CIZ1: variants seen among roughly 807,000 people sequenced by gnomAD.
CIZ1 encodes CDKN1A interacting zinc finger protein 1.
Under a neutral mutation model 118.6 loss-of-function variants are expected in CIZ1, and 58 were observed. That is an observed-to-expected ratio of 0.49 (90% CI 0.40 to 0.61). CIZ1 has a LOEUF of 0.61. Ranked by LOEUF, CIZ1 falls within the 20% of genes least tolerant of loss-of-function variation. The probability of loss-of-function intolerance (pLI) is 0.00; values close to 1 mark genes in which losing one functional copy is unlikely to be tolerated. For synonymous variants in CIZ1, 448 were observed against 443.4 expected (o/e 1.01, Z -0.13); for missense variants, 921 against 1,115.9 (o/e 0.83, Z 2.49).
chr9:128,167,171 A>G lies in CIZ1; in HGVS notation c.2296-7T>C, dbSNP rs947936704. ...ATATATCTCTGGACCTCACCTGAAA[A>G]CATGCAAGTGTGGGCCTCGGATCTG... On this transcript the variant is annotated splice_region_variant and splice_polypyrimidine_tract_variant and intron_variant, in intron 14 of 16. Transcript: ENST00000372938. 2 of 1,572,990 alleles carry G rather than the reference A, an allele frequency of 1.3e-6. No individual in the cohort carries two copies. The highest frequency in any genetic ancestry group is 1.7e-6 in the Non-Finnish European group (2 of 1,158,872).
At chr9:128,186,296 G>A (rs985104833) in intron 4 of CIZ1, among the ~76,000 whole-genome samples, 6 of 152,168 alleles carry the variant, frequency 3.9e-5, no homozygotes, top group Non-Finnish European at 1.5e-5. Context: ...CAGAGTGGAG[G>A]TGCAGCTTGC....
chr9:128,179,296 T>C lies in CIZ1; in HGVS notation c.911A>G (p.Glu304Gly). The change falls in exon 8 of 17, where the codon GAA (glutamate) becomes GGA (glycine). Residue 304 changes from glutamate (E) to glycine (G), a missense_variant. Coordinates refer to ENST00000372938, the MANE Select transcript of CIZ1 (RefSeq NM_001131016.2). ...CTGGAATCGTGGCAGCACTTGGGCTTCCAGGGCCTCAGGCAGCAGGTCTGG... is the reference window on the plus strand; with the variant it reads ...CTGGAATCGTGGCAGCACTTGGGCTCCCAGGGCCTCAGGCAGCAGGTCTGG... ...QTPDLLPEAL[E>G]AQVLPRFQPR... The C allele has an allele frequency of 6.2e-7, 1 of 1,614,096 alleles. No homozygotes were observed. The highest frequency in any genetic ancestry group is 8.5e-7 in the Non-Finnish European group (1 of 1,180,016).
At chr9:128,167,577 GC>G (rs1256424439) in intron 14 of CIZ1, 13 of 186,086 alleles carry the variant, frequency 7.0e-5, no homozygotes, top group Admixed American at 3.2e-4. Context: ...GAGGAGCTGG[GC>G]AGGGAACCCT....
chr9:128,183,428 G>A (rs1050620645), intron 5 of CIZ1, among the ~76,000 whole-genome samples: 5 of 152,232 alleles, frequency 3.3e-5, no homozygotes, highest in Non-Finnish European at 5.9e-5. Context: ...TGGAAGGCTG[G>A]AGGCGGGGCC....
chr9:128,181,675 G>A lies in CIZ1; in HGVS notation c.589-861C>T, dbSNP rs552061685. ...GGTCTAGCGGTGACGCCAGCGTCTG[G>A]GAAGACGCCCGTTACCAGGCGGATC... On this transcript the variant is annotated intron_variant, in intron 5 of 16. Coordinates refer to ENST00000372938, the MANE Select transcript of CIZ1 (RefSeq NM_001131016.2). Among the ~76,000 whole-genome samples the A allele has an allele frequency of 1.2e-4, 19 of 152,090 alleles. No homozygotes were observed. In the East Asian group the frequency reaches 3.7e-3, roughly 29 times the overall value.
At chr9:128,182,646 T>C (rs1246886084) in intron 5 of CIZ1, among the ~76,000 whole-genome samples, 3 of 152,154 alleles carry the variant, frequency 2.0e-5, no homozygotes, top group Non-Finnish European at 2.9e-5. Flanking sequence ...CTTATCTACC[T>C]TGGCCTTCTC....
chr9:128,190,201 A>G (rs562957198), intron 3 of CIZ1, 128 bp downstream of exon 3: 88 of 675,356 alleles, frequency 1.3e-4, no homozygotes, highest in Non-Finnish European at 2.2e-4. Flanking sequence ...TAGTGTCCTC[A>G]TGAGTGAACT....
At chr9:128,191,574 C>A, upstream of CIZ1, 2 of 1,124,930 alleles carry the variant, frequency 1.8e-6, no homozygotes, top group Non-Finnish European at 2.2e-6. The surrounding 1 kb of genome is among the most constrained non-coding windows in gnomAD (Gnocchi z 5.5). Context: ...GCTCGTAAGG[C>A]CCAAATGCGG....
chr9:128,172,163 AAAAAAAAAAAAAAAG>A (rs1830215699), intron 11 of CIZ1, among the ~76,000 whole-genome samples: 1 of 150,538 alleles, frequency 6.6e-6, no homozygotes, highest in African/African-American at 2.4e-5. Flanking sequence ...AAAAAAAAAA[AAAAAAAAAAAAAAAG>A]AAAAAAGAAA....
intron 10 of CIZ1, among the ~76,000 whole-genome samples, chr9:128,176,817 A>G (rs886331222): frequency 2.6e-5 from 4 of 152,186 alleles, no homozygotes; most frequent in Non-Finnish European, 5.9e-5. Context: ...GATTACTGCT[A>G]CACTCACTTT....
At chr9:128,187,984 T>TC (rs1383084472) in intron 3 of CIZ1, 50 bp from the exon 4 acceptor site, 2 of 577,254 alleles carry the variant, frequency 3.5e-6, no homozygotes, top group Non-Finnish European at 6.4e-6. Flanking sequence ...AAAACATCCA[T>TC]CCCCCCTGAC....
chr9:128,192,049 T>A, upstream of CIZ1: 1 of 654,544 alleles, frequency 1.5e-6, no homozygotes, highest in Non-Finnish European at 2.3e-6. Context: ...CTTTTCTCAG[T>A]AGATTTGGCT....
At chr9:128,178,604 C>T (rs1167883455) in intron 8 of CIZ1, 105 bp downstream of exon 8, 3 of 1,583,756 alleles carry the variant, frequency 1.9e-6, no homozygotes, top group Admixed American at 1.7e-5. Flanking sequence ...ACCTGGGTTC[C>T]AGGCCTAGCC....
intron 4 of CIZ1, among the ~76,000 whole-genome samples, chr9:128,187,006 C>A (rs868336582): frequency 1.4e-5 from 2 of 147,326 alleles, no homozygotes; most frequent in Non-Finnish European, 3.0e-5. Context: ...GTGGTGCGAT[C>A]TTGGCTCACT....
Position 128,191,338 on chromosome 9 carries a change from A to G in CIZ1, c.-6+94T>C. Reference sequence around the variant, plus strand: ...CACCACCGCCACCTCCTCGCGCCCCACTCCGCCCGCTCCCACCCCGCCAGC... The same window carrying G: ...CACCACCGCCACCTCCTCGCGCCCCGCTCCGCCCGCTCCCACCCCGCCAGC... On this transcript the variant is annotated intron_variant, in intron 1 of 16. Coordinates refer to ENST00000372938, the MANE Select transcript of CIZ1 (RefSeq NM_001131016.2). The surrounding 1 kb of genome is among the most constrained non-coding windows in gnomAD (Gnocchi z 5.5). 2.5e-6 allele frequency: 1 copy of G among 394,012 alleles called. No homozygotes were observed. The highest frequency in any genetic ancestry group is 3.5e-6 in the Non-Finnish European group (1 of 288,720). 24.4% of individuals were successfully genotyped at this position (394,012 alleles called of 1,614,324 possible).
In CIZ1 at chr9:128,169,412, G is replaced by T. The variant is rs984376900; in HGVS notation, c.2139C>A (p.Ala713=). 4 of 1,613,604 alleles carry T rather than the reference G, an allele frequency of 2.5e-6. No homozygotes were observed. The highest frequency in any genetic ancestry group is 3.4e-6 in the Non-Finnish European group (4 of 1,179,610). ...CTGAGGGAGCTCAGGTTACCTCCTT[G>T]GCTTTGTCCTTATGCCCCTGGGACT... is the stretch of plus-strand genomic sequence containing the variant. ...HVKSQGHKDK[A]KELKSLEKEI... is the part of the protein sequence containing the mutation. Residue 713 remains alanine (A), a synonymous_variant, in exon 13 of 17, where the codon GCC becomes GCA. Transcript: ENST00000372938.
intron 14 of CIZ1, 171 bp downstream of exon 14, chr9:128,168,881 A>G (rs1279995494): frequency 2.1e-6 from 2 of 936,514 alleles, no homozygotes; most frequent in Non-Finnish European, 3.2e-6. Flanking sequence ...CTCTCTAGTC[A>G]TCATGCATAA....
Position 128,185,661 on chromosome 9 carries a change from G to A in CIZ1, c.474C>T (p.Ser158=). Residue 158 remains serine (S), a synonymous_variant, in exon 5 of 17, where the codon TCC becomes TCT. Coordinates refer to ENST00000372938, the MANE Select transcript of CIZ1 (RefSeq NM_001131016.2). ...QQFFPQATRQ[S]LLGPPPVGVP... Reference sequence around the variant, plus strand: ...CCCCAACAGGAGGAGGTCCCAGCAAGGACTGGCGAGTGGCCTGGGGAAAGA... The same window carrying A: ...CCCCAACAGGAGGAGGTCCCAGCAAAGACTGGCGAGTGGCCTGGGGAAAGA... 2 of 1,596,014 alleles carry A rather than the reference G, an allele frequency of 1.3e-6. No individual in the cohort carries two copies. The highest frequency in any genetic ancestry group is 1.7e-6 in the Non-Finnish European group (2 of 1,170,308).
At chr9:128,185,509 T>C (rs1213329350) in intron 5 of CIZ1, 38 bp downstream of exon 5, 1 of 1,353,654 alleles carries the variant, frequency 7.4e-7, no homozygotes, top group Admixed American at 2.4e-5. Flanking sequence ...ACACCCAGGG[T>C]CCCCTCCCGC....
Sources: allele counts gnomAD v4.1 joint callset (sites outside exome capture counted in the v4.1 genomes callset), GRCh38; gene constraint gnomAD v4.1.1; non-coding constraint Gnocchi (gnomAD v3.1); transcripts MANE v1.5; gene names NCBI Gene and HGNC (gene_info 2026-07-23, HGNC 2026-07-21).